TBC1D19: variants seen among roughly 807,000 people sequenced by gnomAD.
TBC1D19 encodes TBC1 domain family, member 19.
Under a neutral mutation model 89.0 loss-of-function variants are expected in TBC1D19, and 60 were observed. That is an observed-to-expected ratio of 0.67 (90% CI 0.55 to 0.84). The LOEUF (loss-of-function observed/expected upper bound fraction) is 0.84. TBC1D19 is among the 40% of genes least tolerant of loss of function. The pLI is 0.00. For missense variants in TBC1D19, 500 were observed against 610.8 expected (o/e 0.82, Z 1.91); for synonymous variants, 189 against 199.7 (o/e 0.95, Z 0.45).
intron 16 of TBC1D19, among the ~76,000 whole-genome samples, chr4:26,737,034 A>G (rs982264905): frequency 2.6e-5 from 4 of 152,240 alleles, no homozygotes; most frequent in African/African-American, 9.6e-5. Flanking sequence ...GAACAGAAAT[A>G]CATTAATGTT....
intron 3 of TBC1D19, among the ~76,000 whole-genome samples, chr4:26,616,872 A>G (rs181954411): frequency 1.6e-3 from 246 of 152,292 alleles, no homozygotes; most frequent in Middle Eastern, 0.01. Flanking sequence ...GTTAATAGCT[A>G]TTTAGTATTA....
chr4:26,688,521 G>T, intron 13 of TBC1D19, 114 bp downstream of exon 13: 15 of 1,258,184 alleles, frequency 1.2e-5, no homozygotes, highest in Non-Finnish European at 1.5e-5. Context: ...TGGCATGCTT[G>T]TCGGATGAAA....
At chr4:26,810,510 A>G in the TBC1D19 span, among the ~76,000 whole-genome samples, 1 of 152,092 alleles carries the variant, frequency 6.6e-6, no homozygotes, top group Non-Finnish European at 1.5e-5. Context: ...CTCTGGTCCT[A>G]TCTTTGCCAC....
rs920104465 is a variant in TBC1D19, at chr4:26,755,834, C to T, written c.*887C>T. Among the ~76,000 whole-genome samples, 2 of 152,170 alleles carry T rather than the reference C, an allele frequency of 1.3e-5. No individual in the cohort carries two copies. The highest frequency in any genetic ancestry group is 2.9e-5 in the Non-Finnish European group (2 of 68,020). ...AGATTAAAAGTAGGTAGTAGGCATT[C>T]ATTCTAAACTGCAGACATTATGCAA... On this transcript the variant is annotated 3_prime_UTR_variant, in exon 21 of 21. Coordinates refer to ENST00000264866, the MANE Select transcript of TBC1D19 (RefSeq NM_018317.4).
intron 1 of TBC1D19, among the ~76,000 whole-genome samples, chr4:26,605,735 T>C (rs1444761899): frequency 1.1e-4 from 16 of 152,234 alleles, no homozygotes; most frequent in Non-Finnish European, 2.9e-5. Context: ...GACTTTTTAA[T>C]GATCGCCATT....
At chr4:26,638,880 C>T (rs750005695) in intron 6 of TBC1D19, 46 bp downstream of exon 6, 3 of 1,374,530 alleles carry the variant, frequency 2.2e-6, no homozygotes, top group Admixed American at 4.1e-5. Flanking sequence ...AAAATAATTG[C>T]CTTCTTAACT....
At chr4:26,771,013 G>GC in the TBC1D19 span, among the ~76,000 whole-genome samples, 8,433 of 22,814 alleles carry the variant, frequency 0.37, 333 homozygotes, top group South Asian at 0.52. Flanking sequence ...TTATAGAAAA[G>GC]GGGAAGATCT....
chr4:26,810,224 C>T, the TBC1D19 span, among the ~76,000 whole-genome samples: 1 of 152,196 alleles, frequency 6.6e-6, no homozygotes, highest in Non-Finnish European at 1.5e-5. Context: ...GTATCAGCTG[C>T]CTTCTTTTTC....
In TBC1D19 at chr4:26,620,599, C is replaced by A. The variant is rs1036317300; in HGVS notation, c.219-14C>A. The A allele has an allele frequency of 1.9e-5, 31 of 1,612,234 alleles. No individual in the cohort carries two copies. The highest frequency in any genetic ancestry group is 2.2e-5 in the South Asian group (2 of 90,810). On this transcript the variant is annotated splice_polypyrimidine_tract_variant and intron_variant, in intron 3 of 20. Coordinates refer to ENST00000264866, the MANE Select transcript of TBC1D19 (RefSeq NM_018317.4). ...AATAATGTGTGATATTTAGCTGCCT[C>A]TTTTTGCTCCTAGGTTTCCTTTACC...
intron 13 of TBC1D19, among the ~76,000 whole-genome samples, chr4:26,706,317 C>T (rs1330703328): frequency 6.6e-6 from 1 of 152,060 alleles, no homozygotes; most frequent in Non-Finnish European, 1.5e-5. Flanking sequence ...TGTTGGTGTA[C>T]AATTGGTCAT....
intron 3 of TBC1D19, among the ~76,000 whole-genome samples, chr4:26,616,650 A>G (rs1741719924): frequency 6.6e-6 from 1 of 152,236 alleles, no homozygotes; most frequent in Non-Finnish European, 1.5e-5. Context: ...CAGACTATAC[A>G]GACTGAAAAC....
chr4:26,651,709 T>C (rs1488726481), intron 7 of TBC1D19, among the ~76,000 whole-genome samples: 1 of 152,156 alleles, frequency 6.6e-6, no homozygotes, highest in Non-Finnish European at 1.5e-5. Flanking sequence ...TTTATTTCCT[T>C]CTCCTGCCTG....
chr4:26,633,847 G>GT (rs1742952626), intron 4 of TBC1D19, among the ~76,000 whole-genome samples: 1 of 152,028 alleles, frequency 6.6e-6, no homozygotes, highest in Admixed American at 6.6e-5. Flanking sequence ...TACTTCTTTT[G>GT]TTATCTTGAC....
At chr4:26,826,972 T>G in the TBC1D19 span, among the ~76,000 whole-genome samples, 1 of 152,328 alleles carries the variant, frequency 6.6e-6, no homozygotes, top group African/African-American at 2.4e-5. Flanking sequence ...TCCCCTAAAC[T>G]GGTTACATAA....
intron 19 of TBC1D19, among the ~76,000 whole-genome samples, chr4:26,751,048 G>A (rs1297662671): frequency 6.6e-6 from 1 of 152,110 alleles, no homozygotes; most frequent in East Asian, 1.9e-4. Context: ...AAATATTAGA[G>A]CCTCTATATT....
intron 1 of TBC1D19, among the ~76,000 whole-genome samples, chr4:26,577,912 A>C (rs1739005913): frequency 6.6e-6 from 1 of 152,226 alleles, no homozygotes; most frequent in Non-Finnish European, 1.5e-5. Flanking sequence ...TAGTTTCATA[A>C]ATTTTTTAGA....
rs142422507 is a variant in TBC1D19 at position 26,700,900 on chromosome 4, A to G, written c.954+12493A>G. Among the ~76,000 whole-genome samples, 554 of 152,258 alleles carry G rather than the reference A, an allele frequency of 3.6e-3. 2 individuals carry two copies. The highest frequency in any genetic ancestry group is 0.011 in the African/African-American group (447 of 41,540). Reference sequence around the variant, plus strand: ...AGTAAAGTCAGAGTGGTCTTTTAAAAACACTAATCAATTCATGTCACTTGT... The same window carrying G: ...AGTAAAGTCAGAGTGGTCTTTTAAAGACACTAATCAATTCATGTCACTTGT... On this transcript the variant is annotated intron_variant, in intron 13 of 20. Coordinates refer to ENST00000264866, the MANE Select transcript of TBC1D19 (RefSeq NM_018317.4).
At chr4:26,833,865 C>T in the TBC1D19 span, among the ~76,000 whole-genome samples, 3 of 152,350 alleles carry the variant, frequency 2.0e-5, no homozygotes, top group Admixed American at 2.0e-4. Flanking sequence ...GGGCTGTCTG[C>T]TCAGCCTATA....
chr4:26,644,588 G>T (rs1743784582), intron 7 of TBC1D19, among the ~76,000 whole-genome samples: 1 of 152,194 alleles, frequency 6.6e-6, no homozygotes, highest in African/African-American at 2.4e-5. Flanking sequence ...TCAGGCAAGA[G>T]AAAGAAATAA....
Sources: allele counts gnomAD v4.1 joint callset (sites outside exome capture counted in the v4.1 genomes callset), GRCh38; gene constraint gnomAD v4.1.1; transcripts MANE v1.5; gene names NCBI Gene and HGNC (gene_info 2026-07-23, HGNC 2026-07-21).